The following MSH3 variants were observed in gnomAD, a reference collection of about 807,000 sequenced individuals.
MSH3 encodes the protein DNA mismatch repair protein Msh3.
MSH3 carries 106 observed loss-of-function variants against 123.3 expected under a neutral mutation model. The observed-to-expected ratio is 0.86, with a 90% CI of 0.73 to 1.01. The LOEUF is 1.01. Ranked by LOEUF, MSH3 falls within the 50% of genes least tolerant of loss-of-function variation. The probability of loss-of-function intolerance (pLI) is 0.00; values close to 1 mark genes in which losing one functional copy is unlikely to be tolerated. For synonymous variants in MSH3, 515 were observed against 481.4 expected (o/e 1.07, Z -0.91); for missense variants, 1,459 against 1,347.6 (o/e 1.08, Z -1.29).
At chr5:80,745,189 A>G (rs1166909257) in intron 12 of MSH3, among the ~76,000 whole-genome samples, 1 of 152,172 alleles carries the variant, frequency 6.6e-6, no homozygotes, top group Non-Finnish European at 1.5e-5. Flanking sequence ...GCACATCGGA[A>G]TCACCTGGGA....
chr5:80,742,028 C>T (rs1743624762), intron 11 of MSH3, among the ~76,000 whole-genome samples: 1 of 149,306 alleles, frequency 6.7e-6, no homozygotes, highest in Admixed American at 6.7e-5. Context: ...TTCTTTGAGA[C>T]AGAGTCTCGC....
chr5:80,693,510 A>AATAT (rs772593113), intron 8 of MSH3, among the ~76,000 whole-genome samples: 4 of 149,864 alleles, frequency 2.7e-5, no homozygotes, highest in Middle Eastern at 3.6e-3. Flanking sequence ...TGTTTATATA[A>AATAT]ATATGCACAT....
At chr5:80,749,248 T>C (rs1429253061) in intron 12 of MSH3, among the ~76,000 whole-genome samples, 2 of 152,166 alleles carry the variant, frequency 1.3e-5, no homozygotes, top group African/African-American at 4.8e-5. Flanking sequence ...AAGCCAACAG[T>C]GCAGCCTTCA....
chr5:80,747,523 A>C (rs1743744161), intron 12 of MSH3, among the ~76,000 whole-genome samples: 1 of 152,168 alleles, frequency 6.6e-6, no homozygotes, highest in Admixed American at 6.5e-5. Flanking sequence ...ATGGTTTTTA[A>C]ACTTTTATAC....
At chr5:80,825,476 T>A (rs1745277051) in intron 20 of MSH3, among the ~76,000 whole-genome samples, 2 of 152,252 alleles carry the variant, frequency 1.3e-5, no homozygotes, top group Non-Finnish European at 1.5e-5. Flanking sequence ...GTTTATTTTA[T>A]GAATATATTA....
intron 1 of MSH3, chr5:80,655,233 C>T: frequency 3.0e-6 from 1 of 331,358 alleles, no homozygotes. Context: ...TCCTGACTCC[C>T]ATTCTGATGA....
rs1299750994 is a variant in MSH3, at chr5:80,674,840, A to T, written c.1028-143A>T. 8.4e-6 allele frequency: 6 copies of T among 712,358 alleles called. No individual in the cohort carries two copies. The African/African-American group carries it at 1.1e-4, about 13-fold the overall frequency. 44.1% of individuals were successfully genotyped at this position (712,358 alleles called of 1,614,324 possible). On this transcript the variant is annotated intron_variant, in intron 6 of 23. Coordinates refer to ENST00000265081, the MANE Select transcript of MSH3 (RefSeq NM_002439.5). ...AGTAATCCTACCACCTTGGCCTCCTAAAGTGCTGGGATTACAGGTGTGAGC... is the reference window on the plus strand; with the variant it reads ...AGTAATCCTACCACCTTGGCCTCCTTAAGTGCTGGGATTACAGGTGTGAGC...
At chr5:80,824,360 TGGGGGCTGCCCCCCACCTCCCTCCAGGAC>T (rs1273970659) in intron 20 of MSH3, among the ~76,000 whole-genome samples, 13 of 146,112 alleles carry the variant, frequency 8.9e-5, no homozygotes, top group East Asian at 8.2e-4. Context: ...GCTGGCCGGG[TGGGGGCTGCCCCCCACCTCCCTCCAGGAC>T]GGGGGCTGCC....
At chr5:80,860,903 T>C (rs1213573566) in intron 21 of MSH3, among the ~76,000 whole-genome samples, 2 of 152,238 alleles carry the variant, frequency 1.3e-5, no homozygotes, top group African/African-American at 4.8e-5. Flanking sequence ...TCTATTAAGA[T>C]GTCCTCAAGC....
At chr5:80,871,958 A>C (rs1431207282) in intron 22 of MSH3, among the ~76,000 whole-genome samples, 1 of 152,134 alleles carries the variant, frequency 6.6e-6, no homozygotes, top group Non-Finnish European at 1.5e-5. Flanking sequence ...TTCAGCTGCA[A>C]CAATTTCCAA....
chr5:80,665,643 A>T (rs1168216027), intron 3 of MSH3, among the ~76,000 whole-genome samples: 4 of 152,148 alleles, frequency 2.6e-5, no homozygotes, highest in African/African-American at 9.7e-5. Flanking sequence ...ACTTGGAGGG[A>T]TTCTTTATTG....
intron 10 of MSH3, 94 bp downstream of exon 10, chr5:80,729,059 C>A: frequency 1.3e-6 from 1 of 772,220 alleles, no homozygotes; most frequent in Non-Finnish European, 2.3e-6. Context: ...GAGAAGCTTG[C>A]CTGCTATTGA....
At chr5:80,828,684 A>G (rs1745365399) in intron 20 of MSH3, among the ~76,000 whole-genome samples, 1 of 152,190 alleles carries the variant, frequency 6.6e-6, no homozygotes, top group Non-Finnish European at 1.5e-5. Context: ...CAGGTGTAAG[A>G]CATTCTCATT....
chr5:80,729,353 C>T (rs184453128), intron 10 of MSH3, among the ~76,000 whole-genome samples: 31 of 147,660 alleles, frequency 2.1e-4, no homozygotes, highest in Non-Finnish European at 3.9e-4. Flanking sequence ...GAGGTGGAGC[C>T]TGCAGTCAGC....
At chr5:80,732,020 A>G (rs1743420990) in intron 10 of MSH3, among the ~76,000 whole-genome samples, 1 of 151,684 alleles carries the variant, frequency 6.6e-6, no homozygotes, top group Non-Finnish European at 1.5e-5. Context: ...AGAATTTTAG[A>G]TAGTTTGAGA....
At chr5:80,779,173 A>T (rs745900579) in intron 17 of MSH3, among the ~76,000 whole-genome samples, 3 of 151,772 alleles carry the variant, frequency 2.0e-5, no homozygotes, top group Non-Finnish European at 2.9e-5. Flanking sequence ...TTGTATTTTT[A>T]GTAGAGACGG....
intron 16 of MSH3, among the ~76,000 whole-genome samples, chr5:80,776,246 T>C: frequency 6.6e-6 from 1 of 152,208 alleles, no homozygotes; most frequent in Non-Finnish European, 1.5e-5. Context: ...TTATCATTGA[T>C]TTTAAAACAT....
chr5:80,744,771 T>G (rs547843046), intron 12 of MSH3, among the ~76,000 whole-genome samples, 156 bp downstream of exon 12: 1 of 152,352 alleles, frequency 6.6e-6, no homozygotes, highest in African/African-American at 2.4e-5. Flanking sequence ...CTCTCTAGTA[T>G]TACAAGGATT....
intron 17 of MSH3, among the ~76,000 whole-genome samples, chr5:80,779,661 T>TCATTCTCCCACCTCAGC (rs1424569049): frequency 1.3e-5 from 2 of 150,692 alleles, no homozygotes; most frequent in African/African-American, 4.9e-5. Flanking sequence ...CCCACCTCAG[T>TCATTCTCCCACCTCAGC]CATTCTCCCA....
Sources: gnomAD v4.1 joint callset for allele counts (sites outside exome capture counted in the v4.1 genomes callset) on GRCh38, gnomAD v4.1.1 for gene constraint, MANE v1.5 for transcripts, NCBI Gene and HGNC (gene_info 2026-07-23, HGNC 2026-07-21) for gene names.